ENKUR: variants seen among roughly 807,000 people sequenced by gnomAD.
The protein encoded by ENKUR is enkurin, TRPC channel interacting protein, also known as enkurin.
Under a neutral mutation model 27.6 loss-of-function variants are expected in ENKUR, and 19 were observed. That is an observed-to-expected ratio of 0.69 (90% CI 0.48 to 1.01). The LOEUF (loss-of-function observed/expected upper bound fraction) is 1.01. ENKUR is among the 50% of genes least tolerant of loss of function. ENKUR has a pLI of 0.00. For synonymous variants in ENKUR, 117 were observed against 96.9 expected (o/e 1.21, Z -1.22); for missense variants, 312 against 310.5 (o/e 1.00, Z -0.04).
At chr10:25,006,436 A>G (rs1261193799) in intron 1 of ENKUR, among the ~76,000 whole-genome samples, 1 of 151,792 alleles carries the variant, frequency 6.6e-6, no homozygotes, top group Non-Finnish European at 1.5e-5. Context: ...GGACAATATG[A>G]CTTAGAGTGT....
intron 2 of ENKUR, among the ~76,000 whole-genome samples, chr10:24,998,441 C>A (rs960516758): frequency 4.1e-5 from 6 of 147,680 alleles, no homozygotes; most frequent in African/African-American, 1.5e-4. Flanking sequence ...GTGGCTTGAT[C>A]ATAGCTCACT....
intron 1 of ENKUR, 151 bp downstream of exon 1, chr10:25,015,709 C>A (rs1850553016): frequency 1.5e-6 from 1 of 669,134 alleles, no homozygotes; most frequent in South Asian, 4.2e-5. Context: ...GATATTTCGA[C>A]CTTTTCTCTA....
In ENKUR at chr10:25,027,356, TCAAAAAAAAAAAAAAA is replaced by T. The variant is rs1396228391; in HGVS notation, c.38-31503_38-31488del. Reference sequence around the variant, plus strand: ...TGGGTGACAGAGCAAGACTCCCGTCTCAAAAAAAAAAAAAAAAAAAAAAAAAAAAAACTAGCCAGGC... The same window carrying T: ...TGGGTGACAGAGCAAGACTCCCGTCTAAAAAAAAAAAAAAACTAGCCAGGC... On this transcript the variant is annotated intron_variant, in intron 2 of 5. Coordinates refer to the ENKUR transcript ENST00000615958. Among the ~76,000 whole-genome samples the T allele has an allele frequency of 8.7e-4, 40 of 45,736 alleles. 1 individual carries two copies. In the South Asian group the frequency reaches 0.028, roughly 32 times the overall value. 30.0% of individuals were successfully genotyped at this position (45,736 alleles called of 152,430 possible).
chr10:25,048,225 G>A (rs1319207120), intron 2 of ENKUR, among the ~76,000 whole-genome samples: 1 of 152,112 alleles, frequency 6.6e-6, no homozygotes, highest in Non-Finnish European at 1.5e-5. Flanking sequence ...AGCAAGGGAG[G>A]AGCCGAGAGA....
chr10:25,008,941 T>A (rs1288863299), intron 1 of ENKUR, among the ~76,000 whole-genome samples: 1 of 152,114 alleles, frequency 6.6e-6, no homozygotes, highest in African/African-American at 2.4e-5. Flanking sequence ...AAATGATGAG[T>A]TCATGTCCTT....
upstream of ENKUR, among the ~76,000 whole-genome samples, chr10:25,018,352 A>G (rs578132594): frequency 5.3e-5 from 8 of 152,358 alleles, no homozygotes; most frequent in African/African-American, 1.4e-4. Flanking sequence ...TCCACAGGGA[A>G]TTAACTGGTA....
Position 24,984,785 on chromosome 10 carries a change from G to T in ENKUR, c.715C>A (p.His239Asn). 6.2e-7 allele frequency: 1 copy of T among 1,613,610 alleles called. No individual in the cohort carries two copies. The highest frequency in any genetic ancestry group is 8.5e-7 in the Non-Finnish European group (1 of 1,179,858). The change falls in exon 5 of 6, where the codon CAC (histidine) becomes AAC (asparagine). Residue 239 changes from histidine (H) to asparagine (N), a missense_variant. Coordinates refer to ENST00000331161, the MANE Select transcript of ENKUR (RefSeq NM_145010.4). The stretch of plus-strand genomic sequence containing the variant: ...TGCTTTTCAATTATGCCAATGTCGT[G>T]TTCTAGTTGTTTCATTTCTTCTTCC... ...RLEEEMKQLE[H>N]DIGIIEKHKI...
intron 1 of ENKUR, among the ~76,000 whole-genome samples, chr10:25,000,796 C>T (rs1407744283): frequency 6.6e-6 from 1 of 152,060 alleles, no homozygotes; most frequent in Non-Finnish European, 1.5e-5. Context: ...TTTGTTTCTG[C>T]TTAAAGTTTC....
At chr10:24,987,230 C>T (rs1227818786) in intron 4 of ENKUR, among the ~76,000 whole-genome samples, 1 of 152,214 alleles carries the variant, frequency 6.6e-6, no homozygotes, top group Non-Finnish European at 1.5e-5. Flanking sequence ...GCTTCTTGTG[C>T]CTGCTGCCTT....
At chr10:25,017,621 C>CT (rs139511500), upstream of ENKUR, among the ~76,000 whole-genome samples, 3,809 of 142,158 alleles carry the variant, frequency 0.027, 138 homozygotes, top group African/African-American at 0.086. Context: ...TTAAGTTTTT[C>CT]TTTTTTTTTT....
chr10:25,035,152 C>G (rs547018760), intron 2 of ENKUR, among the ~76,000 whole-genome samples: 34 of 152,282 alleles, frequency 2.2e-4, no homozygotes, highest in African/African-American at 7.5e-4. Flanking sequence ...GGTGACAGTG[C>G]CAAGTGAATG....
chr10:25,011,166 G>A (rs1850436297), intron 1 of ENKUR, among the ~76,000 whole-genome samples: 1 of 152,026 alleles, frequency 6.6e-6, no homozygotes, highest in Non-Finnish European at 1.5e-5. Flanking sequence ...ATCTCACTGT[G>A]GTTTTGATTT....
At chr10:25,048,722 A>G (rs1386599075) in intron 2 of ENKUR, among the ~76,000 whole-genome samples, 3 of 152,098 alleles carry the variant, frequency 2.0e-5, no homozygotes, top group Non-Finnish European at 4.4e-5. Context: ...GGGTGTGCTC[A>G]GGCTGGGGTT....
At chr10:25,041,148 A>C (rs1851059617) in intron 2 of ENKUR, among the ~76,000 whole-genome samples, 1 of 152,190 alleles carries the variant, frequency 6.6e-6, no homozygotes, top group Admixed American at 6.5e-5. Context: ...TAGCAGTGGA[A>C]TTCTAAGATA....
In ENKUR at chr10:24,984,380, C is replaced by CGG; in HGVS notation, c.765-5_765-4insCC. ...GTTGTGCTGTTGGTATCATGCGCTGCAGAAAAAAAAAAAAAAAAGTGAAGT... is the reference window on the plus strand; with the variant it reads ...GTTGTGCTGTTGGTATCATGCGCTGCGGAGAAAAAAAAAAAAAAAAGTGAAGT... On this transcript the variant is annotated splice_polypyrimidine_tract_variant and splice_region_variant and intron_variant, in intron 5 of 5. Coordinates refer to ENST00000331161, the MANE Select transcript of ENKUR (RefSeq NM_145010.4). 1 of 1,237,302 alleles carries CGG rather than the reference C, an allele frequency of 8.1e-7. No individual in the cohort carries two copies. The highest frequency in any genetic ancestry group is 1.9e-5 in the South Asian group (1 of 51,870). 76.6% of individuals were successfully genotyped at this position (1,237,302 alleles called of 1,614,324 possible).
intron 2 of ENKUR, among the ~76,000 whole-genome samples, chr10:25,027,855 T>TAAATAA (rs1346262140): frequency 6.6e-6 from 1 of 151,880 alleles, no homozygotes; most frequent in African/African-American, 2.4e-5. Flanking sequence ...CTCAAAAAAA[T>TAAATAA]AAATAAAAAT....
At position 25,035,415 on chromosome 10, in the gene ENKUR, C is replaced by T. The variant is rs548242802; in HGVS notation, c.37+25697G>A. ...ACTAAAACTACAAAAATTAGCTGGG[C>T]GTGGTGGTGCACACCTGTAGTCCCA... On this transcript the variant is annotated intron_variant, in intron 2 of 5. Coordinates refer to the ENKUR transcript ENST00000615958. Among the ~76,000 whole-genome samples the T allele has an allele frequency of 1.4e-3, 218 of 152,138 alleles. 1 individual carries two copies. Among genetic ancestry groups the T allele is most frequent in the African/African-American group, 5.0e-3 (206 of 41,510 alleles).
intron 3 of ENKUR, among the ~76,000 whole-genome samples, chr10:24,994,436 C>A (rs1347348576): frequency 6.6e-6 from 1 of 151,436 alleles, no homozygotes; most frequent in Non-Finnish European, 1.5e-5. Context: ...TGGGATCAAG[C>A]GATTCTCGTG....
At position 24,983,721 on chromosome 10, in the gene ENKUR, T is replaced by C. The variant is rs1180806248; in HGVS notation, c.*649A>G. On this transcript the variant is annotated 3_prime_UTR_variant, in exon 6 of 6. Transcript: ENST00000331161. ...AAAAGCCTGAAAGACTCCCATATTT[T>C]GTTTTTTATGTTGTCCAGAGGATAA... The C allele has an allele frequency of 6.6e-6, 1 of 152,196 alleles. No individual in the cohort carries two copies. The highest frequency in any genetic ancestry group is 1.5e-5 in the Non-Finnish European group (1 of 68,026). 9.4% of individuals were successfully genotyped at this position (152,196 alleles called of 1,614,324 possible).
Sources: gnomAD v4.1 joint callset for allele counts (sites outside exome capture counted in the v4.1 genomes callset) on GRCh38, gnomAD v4.1.1 for gene constraint, MANE v1.5 for transcripts, NCBI Gene and HGNC (gene_info 2026-07-23, HGNC 2026-07-21) for gene names.